Variants in PRPF39 observed in about 807,000 individuals in gnomAD.
PRPF39 encodes the protein pre-mRNA-processing factor 39.
Under a neutral mutation model 82.1 loss-of-function variants are expected in PRPF39, and 27 were observed. The observed-to-expected ratio is 0.33, with a 90% CI of 0.24 to 0.45. The LOEUF (loss-of-function observed/expected upper bound fraction) is 0.45. Among genes scored for constraint, PRPF39 ranks in the 20% least tolerant of loss-of-function variants. PRPF39 has a pLI of 1.00. For missense variants in PRPF39, 581 were observed against 796.9 expected, an observed-to-expected ratio of 0.73 and a Z score of 3.26; for synonymous variants, 261 against 256.4, an observed-to-expected ratio of 1.02 and a Z score of -0.17.
rs1884166266 is a variant in PRPF39 at position 45,095,430 on chromosome 14, T to C, written c.191T>C (p.Val64Ala). Residue 64 changes from valine to alanine, a missense_variant, in exon 2 of 14, where the codon GTG (valine) becomes GCG (alanine). Physicochemically the swap from Val to Ala is moderately conservative, Grantham distance 64 (BLOSUM62 0). Coordinates refer to ENST00000355765, the MANE Select transcript of PRPF39 (RefSeq NM_017922.4). ...GAAGAAACTGAAATGGCAAGTGCTG[T>C]GGACCTTCCAGTGACGCTGACAGAA... ...STEETEMASA[V>A]DLPVTLTETE... is the part of the protein sequence containing the mutation. The C allele has an allele frequency of 2.5e-6, 4 of 1,614,022 alleles. No individual in the cohort carries two copies. In the East Asian group the frequency reaches 8.9e-5, roughly 36 times the overall value.
In PRPF39 at chr14:45,095,273, T is replaced by C; in HGVS notation, c.34T>C (p.Ser12Pro). ...TTCTCACATGGATGAATACAGAAATTCTAGTAATGGCAGCACAGGCAACAG... is the reference window on the plus strand; with the variant it reads ...TTCTCACATGGATGAATACAGAAATCCTAGTAATGGCAGCACAGGCAACAG... ...QNSHMDEYRN[S>P]SNGSTGNSSE... The change falls in exon 2 of 14, where the codon TCT becomes CCT. Residue 12 changes from serine to proline, a missense_variant. Coordinates refer to ENST00000355765, the MANE Select transcript of PRPF39 (RefSeq NM_017922.4). 6.2e-7 allele frequency: 1 copy of C among 1,603,966 alleles called. No homozygotes were observed. Among genetic ancestry groups the C allele is most frequent in the Non-Finnish European group, 8.5e-7 (1 of 1,172,246 alleles).
chr14:45,108,884 G>T (rs1041928877), intron 7 of PRPF39, among the ~76,000 whole-genome samples: 18 of 151,352 alleles, frequency 1.2e-4, no homozygotes, highest in African/African-American at 4.4e-4. Context: ...TAATTCTTTG[G>T]TTTTTTTTGA....
In PRPF39 at chr14:45,114,535, C is replaced by T. The variant is rs781637438; in HGVS notation, c.1874C>T (p.Thr625Ile). The change falls in exon 13 of 14, where the codon ACA (threonine) becomes ATA (isoleucine). Residue 625 changes from threonine (T) to isoleucine (I), a missense_variant. Thr to Ile is a moderately conservative substitution (Grantham distance 89). Transcript: ENST00000355765. The stretch of plus-strand genomic sequence containing the variant: ...GAAAAGAAAGCACATACAGAAGATA[C>T]AACTTCATCATCTACACAGATGATT... Reference protein sequence around the residue: ...PEEKKAHTEDTTSSSTQMIDG... With the variant: ...PEEKKAHTEDITSSSTQMIDG... 1.3e-6 allele frequency: 2 copies of T among 1,593,778 alleles called. No homozygotes were observed. The highest frequency in any genetic ancestry group is 2.2e-5 in the East Asian group (1 of 44,604).
intron 5 of PRPF39, among the ~76,000 whole-genome samples, chr14:45,106,078 G>A (rs12897978): frequency 7.2e-5 from 11 of 152,166 alleles, no homozygotes; most frequent in Non-Finnish European, 1.3e-4. Context: ...GGCGGGGCAC[G>A]GTGGCTCACA....
chr14:45,092,487 G>T (rs973285900), intron 1 of PRPF39, among the ~76,000 whole-genome samples: 2 of 151,540 alleles, frequency 1.3e-5, no homozygotes. Context: ...TGTAGTCCCA[G>T]CTACTCAGGA....
At position 45,116,096 on chromosome 14, in the gene PRPF39, C is replaced by G; in HGVS notation, c.*1183C>G. On this transcript the variant is annotated 3_prime_UTR_variant, in exon 14 of 14. Transcript: ENST00000355765. Reference sequence around the variant, plus strand: ...AACTCCTTGAATTTTCCAGTTGACTCTTCCTTTACAATAGTAACAAGTTCT... The same window carrying G: ...AACTCCTTGAATTTTCCAGTTGACTGTTCCTTTACAATAGTAACAAGTTCT... 1 of 813,418 alleles carries G rather than the reference C, an allele frequency of 1.2e-6. No homozygotes were observed. The allele number at this position is 813,418 out of a possible 1,614,324, so 50.4% of individuals were successfully genotyped here. A position where few individuals can be genotyped will look rare whatever the true frequency, so the allele number is the denominator to read the frequency against.
intron 4 of PRPF39, 53 bp downstream of exon 4, chr14:45,097,058 G>T: frequency 6.8e-7 from 1 of 1,475,562 alleles, no homozygotes; most frequent in South Asian, 1.5e-5. Context: ...TAATTATTCT[G>T]ATGTTGATAA....
At chr14:45,107,373 A>G (rs980565818) in intron 5 of PRPF39, 78 bp from the exon 6 acceptor site, 22 of 1,053,532 alleles carry the variant, frequency 2.1e-5, no homozygotes, top group Non-Finnish European at 2.8e-5. Context: ...CCTTTGAAAG[A>G]GTAGTATATA....
chr14:45,098,266 T>TGA (rs1047427141), intron 4 of PRPF39, among the ~76,000 whole-genome samples: 6 of 151,868 alleles, frequency 4.0e-5, no homozygotes, highest in African/African-American at 1.4e-4. Flanking sequence ...AGTGACAGAG[T>TGA]GAGACCTTGT....
At chr14:45,107,093 A>G (rs1426982879) in intron 5 of PRPF39, among the ~76,000 whole-genome samples, 4 of 152,200 alleles carry the variant, frequency 2.6e-5, no homozygotes, top group Non-Finnish European at 5.9e-5. Flanking sequence ...TGACACACGA[A>G]TAGGTATTAT....
chr14:45,108,144 ACTTAG>A (rs1474482279), intron 6 of PRPF39, among the ~76,000 whole-genome samples: 5 of 152,282 alleles, frequency 3.3e-5, no homozygotes, highest in Admixed American at 2.0e-4. Flanking sequence ...CCCAAAAAAA[ACTTAG>A]CTTAGAAGGA....
chr14:45,098,867 A>G (rs1884284388), intron 4 of PRPF39, among the ~76,000 whole-genome samples: 1 of 152,154 alleles, frequency 6.6e-6, no homozygotes, highest in African/African-American at 2.4e-5. Context: ...TTCATGTCCA[A>G]CTTTTAGAAG....
At position 45,084,149 on chromosome 14, in the gene PRPF39, C is replaced by T. The variant is rs574096282; in HGVS notation, c.-120C>T. 8.1e-4 allele frequency: 124 copies of T among 153,510 alleles called. No individual in the cohort carries two copies. Among genetic ancestry groups the T allele is most frequent in the Non-Finnish European group, 1.5e-3 (101 of 68,626 alleles). The allele number at this position is 153,510 out of a possible 1,614,324, so 9.5% of individuals were successfully genotyped here. A position where few individuals can be genotyped will look rare whatever the true frequency, so the allele number is the denominator to read the frequency against. ...GACCAGGCGGCCGTGGCGCGGGTGG[C>T]GGCTGCTGTGCTGGCTGTGGGGACG... On this transcript the variant is annotated 5_prime_UTR_variant, in exon 1 of 14. Coordinates refer to ENST00000355765, the MANE Select transcript of PRPF39 (RefSeq NM_017922.4).
chr14:45,114,149 A>G, intron 11 of PRPF39, 34 bp from the exon 12 acceptor site: 1 of 1,461,252 alleles, frequency 6.8e-7, no homozygotes, highest in South Asian at 1.3e-5. Flanking sequence ...TGTTTTTTGT[A>G]TATTCCAGAG....
chr14:45,086,898 A>G (rs1330221099), intron 1 of PRPF39, among the ~76,000 whole-genome samples: 1 of 145,644 alleles, frequency 6.9e-6, no homozygotes, highest in Non-Finnish European at 1.5e-5. Flanking sequence ...ATGTACATGG[A>G]CATCACTAAC....
chr14:45,111,987 G>C (rs1884711908), intron 10 of PRPF39, among the ~76,000 whole-genome samples: 1 of 152,026 alleles, frequency 6.6e-6, no homozygotes, highest in African/African-American at 2.4e-5. Flanking sequence ...TTGAAGCATA[G>C]AGATTTTTTT....
chr14:45,108,686 A>C (rs1884612606), intron 7 of PRPF39, among the ~76,000 whole-genome samples, 164 bp downstream of exon 7: 1 of 151,996 alleles, frequency 6.6e-6, no homozygotes, highest in South Asian at 2.1e-4. Flanking sequence ...CAGTTTTTCC[A>C]TTTTCCCTGA....
chr14:45,100,753 A>G (rs976872634), intron 4 of PRPF39, among the ~76,000 whole-genome samples: 1 of 152,040 alleles, frequency 6.6e-6, no homozygotes, highest in Non-Finnish European at 1.5e-5. Flanking sequence ...ATTTCCTCCA[A>G]TGTTGGTATG....
Position 45,112,583 on chromosome 14 carries a change from A to AT in PRPF39, c.1757+83dup. On this transcript the variant is annotated intron_variant, in intron 11 of 13. Coordinates refer to ENST00000355765, the MANE Select transcript of PRPF39 (RefSeq NM_017922.4). ...TATGGGGATTTGATGATTAGTATAG[A>AT]TTAATACATTGTTAAATTTTAAAAT... The AT allele has an allele frequency of 1.1e-5, 13 of 1,236,506 alleles. 1 individual carries two copies. The highest frequency in any genetic ancestry group is 1.4e-5 in the Non-Finnish European group (13 of 961,178). 76.6% of individuals were successfully genotyped at this position (1,236,506 alleles called of 1,614,324 possible).
Sources: gnomAD v4.1 joint callset for allele counts (sites outside exome capture counted in the v4.1 genomes callset) on GRCh38, gnomAD v4.1.1 for gene constraint, MANE v1.5 for transcripts, NCBI Gene and HGNC (gene_info 2026-07-23, HGNC 2026-07-21) for gene names.